TRIM64C: variants seen among roughly 807,000 people sequenced by gnomAD.
TRIM64C encodes tripartite motif containing 64C.
TRIM64C carries 25 observed loss-of-function variants against 36.1 expected under a neutral mutation model. The ratio of observed to expected loss-of-function variants is 0.69; its 90% CI spans 0.51 to 0.97. The LOEUF (loss-of-function observed/expected upper bound fraction) is 0.97. Ranked by LOEUF, TRIM64C falls within the 50% of genes least tolerant of loss-of-function variation. The pLI is 0.00. For missense variants in TRIM64C, 489 were observed against 536.8 expected, an observed-to-expected ratio of 0.91 and a Z score of 0.88; for synonymous variants, 212 against 185.7, an observed-to-expected ratio of 1.14 and a Z score of -1.15.
At chr11:49,055,541 A>C in intron 4 of TRIM64C, 134 bp from the exon 5 acceptor site, 2 of 1,214,116 alleles carry the variant, frequency 1.6e-6, no homozygotes, top group Non-Finnish European at 2.3e-6. Context: ...TGTACATTTT[A>C]TTCCACACTC....
chr11:49,055,362 C>G lies in TRIM64C; in HGVS notation c.807G>C (p.Glu269Asp), dbSNP rs1171016379. The change falls in exon 5 of 6, where the codon GAG becomes GAC. Residue 269 changes from glutamate to aspartate, a missense_variant. Glu to Asp is a conservative substitution (Grantham distance 45, BLOSUM62 2). Coordinates refer to ENST00000617704, the MANE Select transcript of TRIM64C (RefSeq NM_001206631.1). ...CTCCAGTTATGCACCATGAAGTGAG[C>G]TCTGGGTTCACTGGCTGGGGCTTTG... is the stretch of plus-strand genomic sequence containing the variant. ...QMPKPQPVNP[E>D]LTSWCITGVL... 6.5e-7 allele frequency: 1 copy of G among 1,535,784 alleles called. No homozygotes were observed. Among genetic ancestry groups the G allele is most frequent in the Admixed American group, 2.0e-5 (1 of 50,962 alleles).
chr11:49,058,014 A>G, intron 2 of TRIM64C, 64 bp downstream of exon 2: 3 of 1,178,868 alleles, frequency 2.5e-6, no homozygotes, highest in Non-Finnish European at 3.5e-6. Flanking sequence ...GAATTTAGCT[A>G]AAAAGTATAA....
At chr11:49,058,200 A>C (rs1389157647) in intron 1 of TRIM64C, 28 bp from the exon 2 acceptor site, 12 of 1,388,456 alleles carry the variant, frequency 8.6e-6, no homozygotes, top group Non-Finnish European at 1.2e-5. Flanking sequence ...AAGCTTAGCA[A>C]TGATGAAGAC....
Position 49,059,098 on chromosome 11 carries a change from G to C in TRIM64C, c.15C>G (p.Thr5=). The change falls in exon 1 of 6, where the codon ACC becomes ACG. Residue 5 remains threonine (T), a synonymous_variant. Transcript: ENST00000617704. The part of the protein sequence containing the change: MDSD[T]LRVFQNELIC... ...TGAGCTCATTCTGGAAGACTCGCAG[G>C]GTGTCTGAATCCATGTTTCTTGAAA... The C allele has an allele frequency of 5.8e-6, 9 of 1,548,972 alleles. No individual in the cohort carries two copies. Among genetic ancestry groups the C allele is most frequent in the Non-Finnish European group, 7.8e-6 (9 of 1,146,504 alleles).
At chr11:49,058,600 C>T (rs1201931814) in intron 1 of TRIM64C, 101 bp downstream of exon 1, 22 of 1,505,822 alleles carry the variant, frequency 1.5e-5, no homozygotes, top group African/African-American at 2.8e-5. Flanking sequence ...ATGGAATAAT[C>T]GCCACCTCCA....
intron 4 of TRIM64C, 21 bp downstream of exon 4, chr11:49,056,337 AT>A (rs36015501): frequency 0.8 from 1,218,949 of 1,525,838 alleles, 491,539 homozygotes; most frequent in African/African-American, 0.83. Flanking sequence ...CAGAAATAGC[AT>A]TTTTTTTAGT....
In TRIM64C at chr11:49,056,486, C is replaced by A. The variant is rs1854815593; in HGVS notation, c.739-105G>T. ...GTTTTAGTGTTTTAATAATGTATAT[C>A]TTTTTATTCCCCTCTAAGGAATCAT... On this transcript the variant is annotated intron_variant, in intron 3 of 5. Coordinates refer to ENST00000617704, the MANE Select transcript of TRIM64C (RefSeq NM_001206631.1). 5.4e-6 allele frequency: 5 copies of A among 922,598 alleles called. No individual in the cohort carries two copies. In the African/African-American group the frequency reaches 6.8e-5, roughly 13 times the overall value. 57.2% of individuals were successfully genotyped at this position (922,598 alleles called of 1,614,324 possible). A position where few individuals can be genotyped will look rare whatever the true frequency, so the allele number is the denominator to read the frequency against.
intron 5 of TRIM64C, among the ~76,000 whole-genome samples, chr11:49,055,016 T>C (rs1854796141): frequency 2.0e-5 from 3 of 152,238 alleles, no homozygotes; most frequent in South Asian, 4.1e-4. Context: ...CATGAAATAC[T>C]GATGCCACCA....
In TRIM64C at chr11:49,054,068, C is replaced by G. The variant is rs202107255; in HGVS notation, c.999G>C (p.Ala333=). 8 of 1,551,440 alleles carry G rather than the reference C, an allele frequency of 5.2e-6. No individual in the cohort carries two copies. Among genetic ancestry groups the G allele is most frequent in the Admixed American group, 2.0e-5 (1 of 50,976 alleles). The change falls in exon 6 of 6, where the codon GCG becomes GCC. Residue 333 remains alanine (A), a synonymous_variant. Transcript: ENST00000617704. The part of the protein sequence containing the change: ...QGVESFAVWC[A]QAFTSGKHYW... ...AATGCTTGCCGGAGGTGAATGCTTG[C>G]GCACACCACACAGCAAAGCTCTCCA...
chr11:49,057,383 A>G lies in TRIM64C; in HGVS notation c.508-5T>C, dbSNP rs1209416223. On this transcript the variant is annotated splice_region_variant and splice_polypyrimidine_tract_variant and intron_variant, in intron 2 of 5. Coordinates refer to ENST00000617704, the MANE Select transcript of TRIM64C (RefSeq NM_001206631.1). ...CTTCCTTAATGACACATAGTCCTGC[A>G]GAGACGTTTGGTTAAAAGGATTACA... The G allele has an allele frequency of 2.6e-6, 4 of 1,549,492 alleles. No homozygotes were observed. Among genetic ancestry groups the G allele is most frequent in the South Asian group, 2.4e-5 (2 of 83,968 alleles).
rs571859226 is a variant in TRIM64C, at chr11:49,058,775, G to A, written c.338C>T (p.Pro113Leu). 1 of 1,548,644 alleles carries A rather than the reference G, an allele frequency of 6.5e-7. No homozygotes were observed. The highest frequency in any genetic ancestry group is 1.4e-5 in the African/African-American group (1 of 72,698). The change falls in exon 1 of 6, where the codon CCC becomes CTC. Residue 113 changes from proline (P) to leucine (L), a missense_variant. Transcript: ENST00000617704. ...CEADKRLLCG[P>L]CSESPEHMAH... The stretch of plus-strand genomic sequence containing the variant: ...CATGTGCTCTGGTGACTCAGAGCAG[G>A]GCCCACAGAGCAATCTCTTGTCAGC...
rs377150454 is a variant in TRIM64C, at chr11:49,058,197, G to T, written c.413-25C>A. On this transcript the variant is annotated intron_variant, in intron 1 of 5. Transcript: ENST00000617704. ...TCTTGCAAAAGAAGCAAGAAGCTTA[G>T]CAATGATGAAGACAGTAGATCTTAT... 8 of 1,416,178 alleles carry T rather than the reference G, an allele frequency of 5.6e-6. 1 individual carries two copies. The highest frequency in any genetic ancestry group is 4.8e-6 in the Non-Finnish European group (5 of 1,044,940). The allele number at this position is 1,416,178 out of a possible 1,614,324, so 87.7% of individuals were successfully genotyped here.
chr11:49,054,332 C>G (rs558160077), intron 5 of TRIM64C, 125 bp from the exon 6 acceptor site: 1 of 1,024,984 alleles, frequency 9.8e-7, no homozygotes, highest in East Asian at 2.6e-5. Flanking sequence ...GAGAGTTCAG[C>G]CCCATGCATC....
rs1323592983 is a variant in TRIM64C at position 49,054,062 on chromosome 11, T to G, written c.1005A>C (p.Ala335=). The G allele has an allele frequency of 7.7e-6, 12 of 1,551,434 alleles. No homozygotes were observed. In the African/African-American group the frequency reaches 1.4e-4, roughly 18 times the overall value. The change falls in exon 6 of 6, where the codon GCA becomes GCC. Residue 335 remains alanine, a synonymous_variant. Coordinates refer to ENST00000617704, the MANE Select transcript of TRIM64C (RefSeq NM_001206631.1). The part of the protein sequence containing the change: ...VESFAVWCAQ[A]FTSGKHYWEV... ...CCCAGTAATGCTTGCCGGAGGTGAA[T>G]GCTTGCGCACACCACACAGCAAAGC...
chr11:49,058,916 G>A lies in TRIM64C; in HGVS notation c.197C>T (p.Thr66Ile). Residue 66 changes from threonine to isoleucine, a missense_variant, in exon 1 of 6, where the codon ACC (threonine) becomes ATC (isoleucine). Thr to Ile is a moderately conservative substitution (Grantham distance 89). Coordinates refer to ENST00000617704, the MANE Select transcript of TRIM64C (RefSeq NM_001206631.1). ...AGCCAGCTTTTTGAGTGCCACATTG[G>A]TGTTGAAGTTGGGCTTCTCTGAGAT... ...RKISEKPNFN[T>I]NVALKKLASL... The A allele has an allele frequency of 1.9e-6, 3 of 1,551,052 alleles. No individual in the cohort carries two copies. Among genetic ancestry groups the A allele is most frequent in the South Asian group, 1.2e-5 (1 of 84,038 alleles).
Position 49,056,344 on chromosome 11 carries a change from T to C in TRIM64C, c.761+15A>G. The C allele has an allele frequency of 6.5e-7, 1 of 1,538,386 alleles. No individual in the cohort carries two copies. Among genetic ancestry groups the C allele is most frequent in the Non-Finnish European group, 8.8e-7 (1 of 1,137,754 alleles). ...AAATTTTTCAGAAATAGCATTTTTTTTAGTGTAAACTCACCTTGCCGATAT... is the reference window on the plus strand; with the variant it reads ...AAATTTTTCAGAAATAGCATTTTTTCTAGTGTAAACTCACCTTGCCGATAT... On this transcript the variant is annotated intron_variant, in intron 4 of 5. Coordinates refer to ENST00000617704, the MANE Select transcript of TRIM64C (RefSeq NM_001206631.1).
At chr11:49,057,956 T>C in intron 2 of TRIM64C, 122 bp downstream of exon 2, 1 of 672,120 alleles carries the variant, frequency 1.5e-6, no homozygotes, top group Non-Finnish European at 2.4e-6. Flanking sequence ...TCAATTGAAA[T>C]CACTACATTT....
intron 2 of TRIM64C, chr11:49,057,722 C>A (rs529237659): frequency 2.7e-5 from 13 of 475,158 alleles, no homozygotes; most frequent in Non-Finnish European, 4.3e-5. Context: ...CCATATTATG[C>A]AGTATTTTTT....
chr11:49,059,065 G>T lies in TRIM64C; in HGVS notation c.48C>A (p.Cys16Ter). 1 of 1,551,996 alleles carries T rather than the reference G, an allele frequency of 6.4e-7. No individual in the cohort carries two copies. Among genetic ancestry groups the T allele is most frequent in the Non-Finnish European group, 8.7e-7 (1 of 1,147,420 alleles). The change falls in exon 1 of 6, where the codon TGC becomes TGA. Residue 16 changes from cysteine to a stop codon, truncating the protein, a stop_gained. Transcript: ENST00000617704. LOFTEE classifies it high-confidence loss of function. ...LRVFQNELICCICVNYFIDPV... is the reference protein window; with the variant it reads ...LRVFQNELIC ...GGTCTATGAAGTAGTTCACGCAAAT[G>T]CAGCAAATGAGCTCATTCTGGAAGA... is the stretch of plus-strand genomic sequence containing the variant.
Sources: gnomAD v4.1 joint callset for allele counts (sites outside exome capture counted in the v4.1 genomes callset) on GRCh38, gnomAD v4.1.1 for gene constraint, MANE v1.5 for transcripts, NCBI Gene and HGNC (gene_info 2026-07-23, HGNC 2026-07-21) for gene names.